The following GULP1 variants were observed in gnomAD, a reference collection of about 807,000 sequenced individuals.
GULP1 encodes the protein PTB domain-containing engulfment adapter protein 1.
Under a neutral mutation model 40.9 loss-of-function variants are expected in GULP1, and 19 were observed. The ratio of observed to expected loss-of-function variants is 0.46; its 90% CI spans 0.32 to 0.68. The LOEUF is 0.68. Among genes scored for constraint, GULP1 ranks in the 30% least tolerant of loss-of-function variants. GULP1 has a pLI of 0.03. For synonymous variants in GULP1, 119 were observed against 117.6 expected, an observed-to-expected ratio of 1.01 and a Z score of -0.08; for missense variants, 312 against 362.2, an observed-to-expected ratio of 0.86 and a Z score of 1.12.
chr2:188,436,635 A>T (rs902155641), intron 2 of GULP1, among the ~76,000 whole-genome samples: 9 of 152,120 alleles, frequency 5.9e-5, no homozygotes, highest in African/African-American at 2.2e-4. Context: ...AATTTGTATT[A>T]AAAGTTATTT....
chr2:188,321,720 A>G (rs1369827406), intron 1 of GULP1, among the ~76,000 whole-genome samples: 3 of 152,120 alleles, frequency 2.0e-5, no homozygotes, highest in Non-Finnish European at 4.4e-5. Flanking sequence ...CACAGAGTTA[A>G]AAGATTACTC....
chr2:188,298,061 C>T (rs1371562464), intron 1 of GULP1, among the ~76,000 whole-genome samples: 2 of 151,924 alleles, frequency 1.3e-5, no homozygotes, highest in South Asian at 2.1e-4. Context: ...TTTTAAGAAA[C>T]AGTATTTTGT....
chr2:188,569,884 C>G (rs1698654574), intron 8 of GULP1, 144 bp from the exon 9 acceptor site: 2 of 517,208 alleles, frequency 3.9e-6, no homozygotes, highest in South Asian at 5.7e-5. Flanking sequence ...CCAGCATTTC[C>G]CAAGCTTTAT....
chr2:188,397,035 G>A (rs939463497), intron 2 of GULP1, among the ~76,000 whole-genome samples: 3 of 152,178 alleles, frequency 2.0e-5, no homozygotes, highest in African/African-American at 4.8e-5. Flanking sequence ...TCCCACATTC[G>A]TAGGACTTGG....
At chr2:188,484,613 T>C (rs2153067857) in intron 4 of GULP1, among the ~76,000 whole-genome samples, 1 of 151,868 alleles carries the variant, frequency 6.6e-6, no homozygotes, top group East Asian at 1.9e-4. Context: ...ACAGTGAGAT[T>C]AGGCATAGCA....
intron 1 of GULP1, among the ~76,000 whole-genome samples, chr2:188,328,467 C>G (rs2041074481): frequency 6.6e-6 from 1 of 152,050 alleles, no homozygotes; most frequent in South Asian, 2.1e-4. Flanking sequence ...TGCTATTTTG[C>G]CTCGCCAACT....
chr2:188,561,307 G>A (rs1696205256), intron 7 of GULP1, among the ~76,000 whole-genome samples: 1 of 152,182 alleles, frequency 6.6e-6, no homozygotes, highest in South Asian at 2.1e-4. Context: ...CTGAGCAGGT[G>A]GACAAGTTCT....
At chr2:188,545,701 A>G (rs542690796) in intron 7 of GULP1, among the ~76,000 whole-genome samples, 7 of 151,942 alleles carry the variant, frequency 4.6e-5, no homozygotes, top group Non-Finnish European at 1.0e-4. Flanking sequence ...AAAGAAAAAG[A>G]TTAAATAATG....
intron 4 of GULP1, among the ~76,000 whole-genome samples, chr2:188,487,994 A>C (rs2062008780): frequency 6.6e-6 from 1 of 152,048 alleles, no homozygotes; most frequent in African/African-American, 2.4e-5. Context: ...CACTGCCTTC[A>C]TCCCCTCCAC....
chr2:188,591,373 G>T (rs1214815109), intron 11 of GULP1: 1 of 151,936 alleles, frequency 6.6e-6, no homozygotes, highest in East Asian at 1.9e-4. Flanking sequence ...TCTTTAAAGG[G>T]TAGCTTGTTA....
chr2:188,559,925 C>T (rs1695813880), intron 7 of GULP1, among the ~76,000 whole-genome samples: 1 of 152,158 alleles, frequency 6.6e-6, no homozygotes, highest in Non-Finnish European at 1.5e-5. Flanking sequence ...ACTTTTGCAT[C>T]TTCCTCATTT....
At chr2:188,408,903 G>A (rs2053497021) in intron 2 of GULP1, among the ~76,000 whole-genome samples, 1 of 151,906 alleles carries the variant, frequency 6.6e-6, no homozygotes, top group African/African-American at 2.4e-5. Context: ...AAACCAACGG[G>A]TCAAAAAAGA....
At chr2:188,494,937 G>A (rs2062760348) in intron 4 of GULP1, among the ~76,000 whole-genome samples, 1 of 151,912 alleles carries the variant, frequency 6.6e-6, no homozygotes. Context: ...TGTTCCTCCT[G>A]GAAGACTTAC....
At chr2:188,549,884 A>G (rs1692995712) in intron 7 of GULP1, among the ~76,000 whole-genome samples, 1 of 151,750 alleles carries the variant, frequency 6.6e-6, no homozygotes, top group Non-Finnish European at 1.5e-5. Flanking sequence ...ACATTCTTAA[A>G]ATAGCAAAAT....
chr2:188,374,305 T>C (rs554956048), intron 1 of GULP1, among the ~76,000 whole-genome samples: 22 of 152,240 alleles, frequency 1.4e-4, no homozygotes. Flanking sequence ...AAATGCATAG[T>C]ATACATTAGT....
intron 2 of GULP1, among the ~76,000 whole-genome samples, chr2:188,447,866 CT>C (rs2058525236): frequency 6.6e-6 from 1 of 152,132 alleles, no homozygotes; most frequent in African/African-American, 2.4e-5. Context: ...GTAAATGTGT[CT>C]TGTTTTCTTA....
At chr2:188,383,479 T>C (rs955653084) in intron 1 of GULP1, among the ~76,000 whole-genome samples, 3 of 152,192 alleles carry the variant, frequency 2.0e-5, no homozygotes, top group East Asian at 3.8e-4. Flanking sequence ...AAGGCATATA[T>C]TGTTAAAGAA....
At position 188,319,944 on chromosome 2, in the gene GULP1, A is replaced by G. The variant is rs73036430; in HGVS notation, c.-172+27778A>G. On this transcript the variant is annotated intron_variant, in intron 1 of 11. Coordinates refer to ENST00000409830, the MANE Select transcript of GULP1 (RefSeq NM_016315.4). ...TATGGGGTTTCCCAGTCTTGGCAAT[A>G]TTGACATTTTGGGAAAGACAACTCT... 2.7e-3 allele frequency among the ~76,000 whole-genome samples: 411 copies of G among 152,180 alleles called. 2 individuals are homozygous for G. The highest frequency in any genetic ancestry group is 9.3e-3 in the African/African-American group (386 of 41,522).
chr2:188,504,935 T>A (rs866001145), intron 4 of GULP1, among the ~76,000 whole-genome samples: 16 of 151,788 alleles, frequency 1.1e-4, no homozygotes, highest in Middle Eastern at 6.8e-3. Flanking sequence ...TTTCTACTCT[T>A]CCATTTTGCT....
Sources: gnomAD v4.1 joint callset for allele counts (sites outside exome capture counted in the v4.1 genomes callset) on GRCh38, gnomAD v4.1.1 for gene constraint, MANE v1.5 for transcripts, NCBI Gene and HGNC (gene_info 2026-07-23, HGNC 2026-07-21) for gene names.